PCDH19: variants seen among roughly 807,000 people sequenced by gnomAD.
PCDH19 encodes protocadherin 19, also known as protocadherin-19.
PCDH19 carries 6 observed loss-of-function variants against 46.2 expected under a neutral mutation model. That is an observed-to-expected ratio of 0.13 (90% CI 0.07 to 0.26). The LOEUF (loss-of-function observed/expected upper bound fraction) is 0.26. PCDH19 is among the 10% of genes least tolerant of loss of function. PCDH19 has a pLI of 1.00. For synonymous variants in PCDH19, 481 were observed against 415.7 expected (o/e 1.16, Z -1.91); for missense variants, 740 against 972.3 (o/e 0.76, Z 3.18).
At chrX:100,368,788 A>G (rs1264319713) in intron 3 of PCDH19, among the ~76,000 whole-genome samples, 1 of 111,810 alleles carries the variant, frequency 8.9e-6, no homozygotes, top group East Asian at 2.8e-4. Context: ...GAGGGCCTGA[A>G]GGACTCTAAG....
chrX:100,301,818 C>T (rs906529149), intron 5 of PCDH19, among the ~76,000 whole-genome samples: 3 of 112,107 alleles, frequency 2.7e-5, no homozygotes, highest in Non-Finnish European at 5.6e-5. Flanking sequence ...GCAGAGATAA[C>T]TAATTGCCTG....
intron 3 of PCDH19, among the ~76,000 whole-genome samples, chrX:100,397,293 G>T (rs779057497): frequency 5.0e-4 from 56 of 111,728 alleles, no homozygotes; most frequent in African/African-American, 1.8e-3. Context: ...ACTTTTTGTA[G>T]GATAATTGGA....
chrX:100,402,728 G>A lies in PCDH19; in HGVS notation c.2412C>T (p.Cys804=). Residue 804 remains cysteine (C), a synonymous_variant, in exon 3 of 6, where the codon TGC becomes TGT. Coordinates refer to ENST00000373034, the MANE Select transcript of PCDH19 (RefSeq NM_001184880.2). ...EETDKMNVVS[C]SSLTSSLNYF... is the part of the protein sequence containing the mutation. The stretch of plus-strand genomic sequence containing the variant: ...AGTTGAGGGAGGAGGTCAGGGAAGA[G>A]CAACTGACAACGTTCATCTTGTCTG... The A allele has an allele frequency of 1.7e-6, 2 of 1,210,983 alleles. No individual in the cohort carries two copies. Among genetic ancestry groups the A allele is most frequent in the Non-Finnish European group, 2.2e-6 (2 of 894,581 alleles).
chrX:100,409,936 C>T lies in PCDH19; in HGVS notation c.-1339G>A. The stretch of plus-strand genomic sequence containing the variant: ...GCACTCGGGAGGTCTGTCTCGCTTT[C>T]TCTGTCTGTCTCGGGCTGTGTGTGA... On this transcript the variant is annotated 5_prime_UTR_variant, in exon 1 of 6. Transcript: ENST00000373034. 3.1e-6 allele frequency: 1 copy of T among 321,383 alleles called. No individual in the cohort carries two copies. The allele number at this position is 321,383 out of a possible 1,213,427, so 26.5% of individuals were successfully genotyped here.
chrX:100,375,100 A>T (rs756761733), intron 3 of PCDH19, among the ~76,000 whole-genome samples: 1 of 112,269 alleles, frequency 8.9e-6, no homozygotes, highest in African/African-American at 3.2e-5. Context: ...AGATGTTCAT[A>T]TTAAGCCCTA....
chrX:100,370,346 A>T (rs1927182540), intron 3 of PCDH19, among the ~76,000 whole-genome samples: 1 of 112,348 alleles, frequency 8.9e-6, no homozygotes, highest in African/African-American at 3.2e-5. Context: ...ACTGTTGTCT[A>T]CTTGAAGAAT....
intron 4 of PCDH19, among the ~76,000 whole-genome samples, chrX:100,348,462 G>A (rs755586972): frequency 9.0e-6 from 1 of 111,642 alleles, no homozygotes; most frequent in African/African-American, 3.3e-5. Context: ...CAAATTCAAG[G>A]CCTTCAGAGT....
chrX:100,316,223 A>G (rs1054872534), intron 5 of PCDH19, among the ~76,000 whole-genome samples: 1 of 112,380 alleles, frequency 8.9e-6, no homozygotes, highest in Non-Finnish European at 1.9e-5. Context: ...TCCCCATCCT[A>G]TAAAAGAATA....
chrX:100,403,473 A>G (rs1928256345), intron 2 of PCDH19, 51 bp downstream of exon 2: 2 of 1,159,496 alleles, frequency 1.7e-6, no homozygotes, highest in Admixed American at 4.7e-5. Context: ...CTCCTCTCCT[A>G]GAAAAATCTA....
intron 3 of PCDH19, among the ~76,000 whole-genome samples, chrX:100,398,593 T>C (rs1928089409): frequency 8.9e-6 from 1 of 111,794 alleles, no homozygotes; most frequent in African/African-American, 3.3e-5. Context: ...GCCCGTGAAA[T>C]CATTGTGGGT....
At chrX:100,342,272 G>A (rs965201717) in intron 4 of PCDH19, among the ~76,000 whole-genome samples, 197 bp from the exon 5 acceptor site, 9 of 111,935 alleles carry the variant, frequency 8.0e-5, no homozygotes, top group Admixed American at 3.8e-4. Context: ...ACTATTGGAT[G>A]CTGATACAGC....
intron 5 of PCDH19, among the ~76,000 whole-genome samples, chrX:100,333,790 T>A (rs1925994975): frequency 3.7e-5 from 1 of 27,112 alleles, no homozygotes; most frequent in South Asian, 8.1e-4. Flanking sequence ...TTCCTCTTCA[T>A]TTTTTTTTTT....
chrX:100,394,949 G>A (rs1302261438), intron 3 of PCDH19, among the ~76,000 whole-genome samples: 1 of 102,958 alleles, frequency 9.7e-6, no homozygotes, highest in Non-Finnish European at 2.0e-5. Context: ...GTGCAGTGGC[G>A]GGATCTTGGC....
Position 100,410,006 on chromosome X carries a change from G to T in PCDH19, c.-1409C>A, listed in dbSNP as rs1004745104. The T allele has an allele frequency of 7.4e-5, 22 of 296,040 alleles. No homozygotes were observed. The highest frequency in any genetic ancestry group is 5.8e-4 in the African/African-American group (21 of 35,953). The allele number at this position is 296,040 out of a possible 1,213,427, so 24.4% of individuals were successfully genotyped here. A position where few individuals can be genotyped will look rare whatever the true frequency, so the allele number is the denominator to read the frequency against. On this transcript the variant is annotated 5_prime_UTR_variant, in exon 1 of 6. Coordinates refer to ENST00000373034, the MANE Select transcript of PCDH19 (RefSeq NM_001184880.2). ...AGAGTGAGTGTGTGGTGTGGGGAGT[G>T]TGAGTGTGGAGTATGAGCAAGCAGG...
chrX:100,407,315 C>T lies in PCDH19; in HGVS notation c.1283G>A (p.Gly428Asp). The T allele has an allele frequency of 8.2e-7, 1 of 1,212,269 alleles. No individual in the cohort carries two copies. The highest frequency in any genetic ancestry group is 1.1e-6 in the Non-Finnish European group (1 of 895,601). Reference sequence around the variant, plus strand: ...GGCACTCTGCAGCATGGGCACGCCGCCGTCGCGTGCCTGAATTGTGAGGTT... The same window carrying T: ...GGCACTCTGCAGCATGGGCACGCCGTCGTCGCGTGCCTGAATTGTGAGGTT... The part of the protein sequence containing the change: ...QYNLTIQARD[G>D]GVPMLQSAKS... Residue 428 changes from glycine (G) to aspartate (D), a missense_variant, in exon 1 of 6, where the codon GGC (glycine) becomes GAC (aspartate). By Grantham distance (94) the Gly-to-Asp change is moderately conservative. This residue lies in a region of PCDH19 where 186 missense variants were observed against 319.9 expected (regional missense o/e 0.58). Transcript: ENST00000373034.
At chrX:100,390,651 T>C (rs1229991168) in intron 3 of PCDH19, among the ~76,000 whole-genome samples, 5 of 111,485 alleles carry the variant, frequency 4.5e-5, no homozygotes, top group Non-Finnish European at 9.4e-5. Context: ...CCAACATGCA[T>C]TGGGTTTAAT....
At chrX:100,343,265 G>T (rs1926306014) in intron 4 of PCDH19, among the ~76,000 whole-genome samples, 1 of 111,183 alleles carries the variant, frequency 9.0e-6, no homozygotes, top group South Asian at 3.8e-4. Context: ...AGATTCCTCA[G>T]CCCCCATAAT....
intron 3 of PCDH19, 45 bp downstream of exon 3, chrX:100,402,479 A>C: frequency 2.8e-6 from 3 of 1,085,085 alleles, no homozygotes; most frequent in Non-Finnish European, 3.8e-6. Flanking sequence ...GCAGCTAAAG[A>C]AGGAGACCTG....
At chrX:100,311,194 C>T (rs944205284) in intron 5 of PCDH19, among the ~76,000 whole-genome samples, 5 of 110,836 alleles carry the variant, frequency 4.5e-5, no homozygotes, top group Admixed American at 9.7e-5. Flanking sequence ...AACTTATCTC[C>T]AACTTGGTTT....
Sources: gnomAD v4.1 joint callset for allele counts (sites outside exome capture counted in the v4.1 genomes callset) on GRCh38, gnomAD v4.1.1 for gene constraint, gnomAD v4.1.1 regional missense constraint, MANE v1.5 for transcripts, NCBI Gene and HGNC (gene_info 2026-07-23, HGNC 2026-07-21) for gene names.